Variants in RBPJ observed in about 807,000 individuals in gnomAD.
The protein encoded by RBPJ is recombination signal binding protein for immunoglobulin kappa J region.
In RBPJ, 9 loss-of-function variants were observed where a neutral mutation model predicts 67.8. That is an observed-to-expected ratio of 0.13 (90% CI 0.08 to 0.23). The LOEUF is 0.23. Among genes scored for constraint, RBPJ ranks in the 10% least tolerant of loss-of-function variants. The pLI is 1.00. For synonymous variants in RBPJ, 198 were observed against 203.3 expected, an observed-to-expected ratio of 0.97 and a Z score of 0.22; for missense variants, 305 against 595.6, an observed-to-expected ratio of 0.51 and a Z score of 5.08.
intron 2 of RBPJ, among the ~76,000 whole-genome samples, chr4:26,388,906 G>T (rs2109649455): frequency 6.6e-6 from 1 of 152,206 alleles, no homozygotes; most frequent in South Asian, 2.1e-4. Flanking sequence ...GTTCTAACTG[G>T]AAAATTAGTG....
At chr4:26,129,200 A>C in the RBPJ span, among the ~76,000 whole-genome samples, 1 of 152,190 alleles carries the variant, frequency 6.6e-6, no homozygotes, top group African/African-American at 2.4e-5. Context: ...CAGAGAAGTA[A>C]ATTAATAATC....
chr4:26,335,357 A>AT (rs1724700232), intron 1 of RBPJ, among the ~76,000 whole-genome samples: 1 of 149,798 alleles, frequency 6.7e-6, no homozygotes, highest in Admixed American at 6.7e-5. Flanking sequence ...GATTTTTTGT[A>AT]TTTTAGTAGA....
At chr4:26,318,130 C>A (rs895561198), upstream of RBPJ, among the ~76,000 whole-genome samples, 11 of 135,810 alleles carry the variant, frequency 8.1e-5, no homozygotes, top group African/African-American at 3.3e-4. Flanking sequence ...CACACACACG[C>A]ACACACACAC....
chr4:26,200,481 T>C (rs1165230583), intron 1 of RBPJ, among the ~76,000 whole-genome samples: 1 of 152,026 alleles, frequency 6.6e-6, no homozygotes, highest in African/African-American at 2.4e-5. Flanking sequence ...CCAGCCTAGG[T>C]AACATAGGGA....
chr4:26,126,778 G>T, the RBPJ span, among the ~76,000 whole-genome samples: 1 of 152,170 alleles, frequency 6.6e-6, no homozygotes, highest in Non-Finnish European at 1.5e-5. Context: ...GCTTTTGAAT[G>T]CAAAGGTAAG....
At chr4:26,131,292 T>TCACATCCCTGC in the RBPJ span, among the ~76,000 whole-genome samples, 1 of 152,348 alleles carries the variant, frequency 6.6e-6, no homozygotes, top group Non-Finnish European at 1.5e-5. Flanking sequence ...CACATCCCTA[T>TCACATCCCTGC]GCAGTCACAT....
chr4:26,184,197 G>GAA (rs1717135529), intron 1 of RBPJ, among the ~76,000 whole-genome samples: 4 of 134,744 alleles, frequency 3.0e-5, no homozygotes, highest in African/African-American at 1.3e-4. Flanking sequence ...AAAAAAAAAA[G>GAA]AAAGAAAAAA....
At chr4:26,192,174 C>T (rs1014800164) in intron 1 of RBPJ, among the ~76,000 whole-genome samples, 4 of 151,890 alleles carry the variant, frequency 2.6e-5, no homozygotes, top group Non-Finnish European at 5.9e-5. Context: ...CGCCCGGCTA[C>T]TTTTTGTGTT....
At chr4:26,162,736 C>A (rs1716116314), upstream of RBPJ, among the ~76,000 whole-genome samples, 1 of 152,186 alleles carries the variant, frequency 6.6e-6, no homozygotes, top group African/African-American at 2.4e-5. Flanking sequence ...GTCCTCATCC[C>A]ATGCTGCACA....
chr4:26,131,676 G>A, the RBPJ span, among the ~76,000 whole-genome samples: 2 of 152,224 alleles, frequency 1.3e-5, no homozygotes, highest in African/African-American at 4.8e-5. Context: ...GTAATCACAG[G>A]TATCCTTATA....
intron 1 of RBPJ, among the ~76,000 whole-genome samples, chr4:26,219,940 TA>T (rs1368323016): frequency 3.4e-5 from 3 of 88,510 alleles, no homozygotes; most frequent in Non-Finnish European, 7.3e-5. Flanking sequence ...CACGCCCAAC[TA>T]ATTTTTTTTT....
the RBPJ span, among the ~76,000 whole-genome samples, chr4:26,129,779 G>A: frequency 2.0e-5 from 3 of 152,134 alleles, no homozygotes; most frequent in South Asian, 6.2e-4. Context: ...GCAGACTCAA[G>A]ATGGTCTATC....
At chr4:26,272,306 C>A (rs1184155344) in intron 1 of RBPJ, among the ~76,000 whole-genome samples, 2 of 152,168 alleles carry the variant, frequency 1.3e-5, no homozygotes, top group Admixed American at 1.3e-4. Flanking sequence ...GTGGCTCACA[C>A]CCATAAGCCC....
At position 26,264,077 on chromosome 4, in the gene RBPJ, A is replaced by G. The variant is rs529877410; in HGVS notation, c.-166-98369A>G. Reference sequence around the variant, plus strand: ...TTTTTAGTAGAGACGGGGTTTCACTATGTTGGCCAGGCTGCAGGCTGGTCT... The same window carrying G: ...TTTTTAGTAGAGACGGGGTTTCACTGTGTTGGCCAGGCTGCAGGCTGGTCT... On this transcript the variant is annotated intron_variant, in intron 1 of 4. Coordinates refer to the RBPJ transcript ENST00000512351. This position sits in a 1 kb window ranked among gnomAD's most constrained non-coding sequence, Gnocchi z 4.1. 8.0e-5 allele frequency among the ~76,000 whole-genome samples: 12 copies of G among 150,268 alleles called. No individual in the cohort carries two copies. The highest frequency in any genetic ancestry group is 1.6e-4 in the Non-Finnish European group (11 of 67,706).
intron 1 of RBPJ, among the ~76,000 whole-genome samples, chr4:26,191,210 T>TATATATAGAG (rs1364457297): frequency 7.5e-5 from 2 of 26,834 alleles, no homozygotes; most frequent in Non-Finnish European, 1.2e-4. Flanking sequence ...TATATATATA[T>TATATATAGAG]AGAGAGAGAG....
intron 1 of RBPJ, among the ~76,000 whole-genome samples, chr4:26,340,588 G>A (rs564152961): frequency 6.6e-6 from 1 of 152,100 alleles, no homozygotes; most frequent in Non-Finnish European, 1.5e-5. Context: ...GGCCGGGCGG[G>A]GTAGCTCATG....
At chr4:26,348,231 G>T (rs370283053) in intron 1 of RBPJ, among the ~76,000 whole-genome samples, 1 of 152,284 alleles carries the variant, frequency 6.6e-6, no homozygotes, top group South Asian at 2.1e-4. Context: ...AAAGTGTTGG[G>T]ATTACAGGCC....
intron 1 of RBPJ, among the ~76,000 whole-genome samples, chr4:26,277,538 TG>T (rs1721124221): frequency 6.6e-6 from 1 of 152,224 alleles, no homozygotes; most frequent in African/African-American, 2.4e-5. Flanking sequence ...TGGGGAGTTT[TG>T]TAGGGAAAGT....
the RBPJ span, among the ~76,000 whole-genome samples, chr4:26,126,961 C>T: frequency 6.6e-6 from 1 of 152,210 alleles, no homozygotes; most frequent in Non-Finnish European, 1.5e-5. Context: ...AACTCTATCC[C>T]AGTCACACAG....
Sources: gnomAD v4.1 joint callset for allele counts (sites outside exome capture counted in the v4.1 genomes callset) on GRCh38, gnomAD v4.1.1 for gene constraint, Gnocchi (gnomAD v3.1) non-coding constraint, MANE v1.5 for transcripts, NCBI Gene and HGNC (gene_info 2026-07-23, HGNC 2026-07-21) for gene names.